The following ADGRL4 variants were observed in gnomAD, a reference collection of about 807,000 sequenced individuals.
The protein encoded by ADGRL4 is EGF, latrophilin and seven transmembrane domain containing 1.
A neutral mutation model predicts 74.8 loss-of-function variants in ADGRL4; 90 were observed. That is an observed-to-expected ratio of 1.20 (90% CI 1.02 to 1.43). The LOEUF is 1.43. Among genes scored for constraint, ADGRL4 ranks in the 40% most tolerant of loss-of-function variants. The probability of loss-of-function intolerance (pLI) is 0.00; values close to 1 mark genes in which losing one functional copy is unlikely to be tolerated. For synonymous variants in ADGRL4, 311 were observed against 279.2 expected (o/e 1.11, Z -1.14); for missense variants, 881 against 814.3 (o/e 1.08, Z -1.00).
chr1:78,942,047 A>C (rs1195212262), intron 3 of ADGRL4, among the ~76,000 whole-genome samples: 1 of 151,882 alleles, frequency 6.6e-6, no homozygotes, highest in Non-Finnish European at 1.5e-5. Flanking sequence ...AAAATACAAA[A>C]AATTAGCCAG....
chr1:78,952,046 AT>A (rs200185928), intron 2 of ADGRL4, among the ~76,000 whole-genome samples: 2,184 of 152,148 alleles, frequency 0.014, 54 homozygotes, highest in African/African-American at 0.05. Context: ...TTTATATTTC[AT>A]TTTTTTAATC....
chr1:78,990,787 C>A (rs1650592519), intron 2 of ADGRL4, among the ~76,000 whole-genome samples: 1 of 151,892 alleles, frequency 6.6e-6, no homozygotes. Flanking sequence ...GTGTATACAA[C>A]AGAGATTTGT....
intron 2 of ADGRL4, among the ~76,000 whole-genome samples, chr1:78,964,755 A>G (rs1650020615): frequency 6.6e-6 from 1 of 152,180 alleles, no homozygotes; most frequent in Non-Finnish European, 1.5e-5. Context: ...CAGCCAATTT[A>G]TTAGTTGAGA....
At chr1:78,958,069 A>G (rs1649870557) in intron 2 of ADGRL4, among the ~76,000 whole-genome samples, 1 of 152,192 alleles carries the variant, frequency 6.6e-6, no homozygotes, top group East Asian at 1.9e-4. Context: ...TTTACCGAAT[A>G]CGTTAAGCCC....
At chr1:78,945,177 A>AAAATAT (rs376405445) in intron 3 of ADGRL4, among the ~76,000 whole-genome samples, 2,820 of 127,754 alleles carry the variant, frequency 0.022, 51 homozygotes, top group South Asian at 0.039. Context: ...AAAAAAAAAA[A>AAAATAT]ATATATATAT....
chr1:78,987,840 G>A (rs927275817), intron 2 of ADGRL4, among the ~76,000 whole-genome samples: 1 of 151,502 alleles, frequency 6.6e-6, no homozygotes, highest in African/African-American at 2.4e-5. Context: ...AATAGTATGA[G>A]ACATAAATTA....
At chr1:78,987,155 A>T (rs915758490) in intron 2 of ADGRL4, among the ~76,000 whole-genome samples, 1 of 151,770 alleles carries the variant, frequency 6.6e-6, no homozygotes, top group African/African-American at 2.4e-5. Flanking sequence ...AATTGAAAGC[A>T]TAATAATTAT....
At position 78,936,309 on chromosome 1, in the gene ADGRL4, G is replaced by A. The variant is rs1174154617; in HGVS notation, c.863C>T (p.Ala288Val). ...TAAAGTCCTACCATTTGAATCATAT[G>A]CAGCTTTTCTCTTTGGAAATATATT... ...YINIFPKRKA[A>V]YDSNGNVAVA... Residue 288 changes from alanine to valine, a missense_variant, in exon 7 of 15, where the codon GCA (alanine) becomes GTA (valine). Coordinates refer to ENST00000370742, the MANE Select transcript of ADGRL4 (RefSeq NM_022159.4). The A allele has an allele frequency of 6.3e-7, 1 of 1,592,672 alleles. No individual in the cohort carries two copies. Among genetic ancestry groups the A allele is most frequent in the East Asian group, 2.3e-5 (1 of 43,952 alleles).
At chr1:78,923,783 G>A (rs921302955) in intron 8 of ADGRL4, among the ~76,000 whole-genome samples, 2 of 151,542 alleles carry the variant, frequency 1.3e-5, no homozygotes, top group Admixed American at 6.6e-5. Flanking sequence ...AAAATATTAG[G>A]AGAAAAATTA....
chr1:78,923,882 GC>G (rs1649052826), intron 8 of ADGRL4, among the ~76,000 whole-genome samples: 1 of 151,856 alleles, frequency 6.6e-6, no homozygotes, highest in South Asian at 2.1e-4. Flanking sequence ...GAAAAAGAGA[GC>G]AGAGATACTG....
chr1:78,936,315 T>C lies in ADGRL4; in HGVS notation c.857A>G (p.Lys286Arg). The C allele has an allele frequency of 1.9e-6, 3 of 1,595,236 alleles. No homozygotes were observed. The highest frequency in any genetic ancestry group is 2.6e-6 in the Non-Finnish European group (3 of 1,172,810). The stretch of plus-strand genomic sequence containing the variant: ...CCTACCATTTGAATCATATGCAGCT[T>C]TTCTCTTTGGAAATATATTTATGTA... ...GDYINIFPKR[K>R]AAYDSNGNVA... Residue 286 changes from lysine to arginine, a missense_variant, in exon 7 of 15, where the codon AAA (lysine) becomes AGA (arginine). Physicochemically the swap from Lys to Arg is conservative, Grantham distance 26. Coordinates refer to ENST00000370742, the MANE Select transcript of ADGRL4 (RefSeq NM_022159.4).
chr1:78,936,446 T>C (rs1649356328), intron 6 of ADGRL4, 35 bp from the exon 7 acceptor site: 1 of 1,512,040 alleles, frequency 6.6e-7, no homozygotes, highest in Non-Finnish European at 8.9e-7. Context: ...AAAAGTGAAA[T>C]TACTTTAATC....
chr1:78,927,827 CAA>C (rs1222550345), intron 7 of ADGRL4, among the ~76,000 whole-genome samples: 1 of 152,052 alleles, frequency 6.6e-6, no homozygotes, highest in Non-Finnish European at 1.5e-5. Context: ...TAGAAGTTGC[CAA>C]AGTGTATTGC....
At chr1:78,925,534 A>G (rs144967344) in intron 8 of ADGRL4, among the ~76,000 whole-genome samples, 1 of 152,142 alleles carries the variant, frequency 6.6e-6, no homozygotes, top group East Asian at 1.9e-4. Flanking sequence ...TGAAGATATT[A>G]CTTATGAGAT....
chr1:78,918,731 T>G (rs912978740), intron 10 of ADGRL4, among the ~76,000 whole-genome samples: 1 of 151,844 alleles, frequency 6.6e-6, no homozygotes, highest in African/African-American at 2.4e-5. Context: ...ATGGGAGAGA[T>G]AACATAATAC....
intron 2 of ADGRL4, among the ~76,000 whole-genome samples, chr1:78,993,032 A>G (rs1200332850): frequency 6.6e-6 from 1 of 152,150 alleles, no homozygotes; most frequent in South Asian, 2.1e-4. Flanking sequence ...AGTTGATTGT[A>G]ACACTGCTTA....
intron 2 of ADGRL4, among the ~76,000 whole-genome samples, chr1:78,948,698 G>A (rs1234513568): frequency 6.6e-6 from 1 of 152,056 alleles, no homozygotes; most frequent in East Asian, 1.9e-4. Context: ...AAGTAGATAT[G>A]TATGTCTATG....
At chr1:78,965,657 T>C (rs1053992363) in intron 2 of ADGRL4, among the ~76,000 whole-genome samples, 1 of 152,186 alleles carries the variant, frequency 6.6e-6, no homozygotes, top group African/African-American at 2.4e-5. Context: ...CAATCTTTTA[T>C]AAAAAGAATT....
rs1298993166 is a variant in ADGRL4, at chr1:78,909,921, A to T, written c.1749+7713T>A. On this transcript the variant is annotated intron_variant, in intron 12 of 14. Transcript: ENST00000370742. ...TTCTTCAATAGGAAAGTTGTTAAAT[A>T]AATTAGCACATAGTCATAATATACA... 2.6e-5 allele frequency among the ~76,000 whole-genome samples: 4 copies of T among 152,016 alleles called. No individual in the cohort carries two copies. The East Asian group carries it at 7.8e-4, about 29-fold the overall frequency.
Sources: gnomAD v4.1 joint callset for allele counts (sites outside exome capture counted in the v4.1 genomes callset) on GRCh38, gnomAD v4.1.1 for gene constraint, MANE v1.5 for transcripts, NCBI Gene and HGNC (gene_info 2026-07-23, HGNC 2026-07-21) for gene names.